The following RAP1GDS1 variants were observed in gnomAD, a reference collection of about 807,000 sequenced individuals.
The protein encoded by RAP1GDS1 is Rap1 GTPase-GDP dissociation stimulator 1, also known as RAP1, GTP-GDP dissociation stimulator 1.
In RAP1GDS1, 35 loss-of-function variants were observed where a neutral mutation model predicts 71.1. That is an observed-to-expected ratio of 0.49 (90% CI 0.38 to 0.65). RAP1GDS1 has a LOEUF of 0.65. RAP1GDS1 is among the 30% of genes least tolerant of loss of function. The pLI is 0.00. For missense variants in RAP1GDS1, 663 were observed against 706.1 expected (o/e 0.94, Z 0.69); for synonymous variants, 229 against 243.1 (o/e 0.94, Z 0.54).
At chr4:98,370,131 A>T (rs1740144154) in intron 4 of RAP1GDS1, among the ~76,000 whole-genome samples, 1 of 152,180 alleles carries the variant, frequency 6.6e-6, no homozygotes, top group Non-Finnish European at 1.5e-5. Context: ...ACTGTGAATT[A>T]TCTGTCTTTG....
rs988166010 is a variant in RAP1GDS1, at chr4:98,418,930, T to G, written c.1174+139T>G. 2.8e-5 allele frequency: 25 copies of G among 900,724 alleles called. No homozygotes were observed. The African/African-American group carries it at 4.3e-4, about 16-fold the overall frequency. 55.8% of individuals were successfully genotyped at this position (900,724 alleles called of 1,614,324 possible). A position where few individuals can be genotyped will look rare whatever the true frequency, so the allele number is the denominator to read the frequency against. ...ATAGTCTTCACATTGTTCACATTTT[T>G]TCATGCTAATAAATGGAGATCATAT... is the stretch of plus-strand genomic sequence containing the variant. On this transcript the variant is annotated intron_variant, in intron 10 of 14. Coordinates refer to ENST00000408927, the MANE Select transcript of RAP1GDS1 (RefSeq NM_001100427.2).
At chr4:98,379,310 C>T (rs1741644667) in intron 5 of RAP1GDS1, 147 bp downstream of exon 5, 1 of 872,004 alleles carries the variant, frequency 1.1e-6, no homozygotes, top group African/African-American at 1.8e-5. Context: ...CATTAAATTT[C>T]AATGTTTCAA....
intron 4 of RAP1GDS1, 65 bp from the exon 5 acceptor site, chr4:98,378,952 G>A: frequency 7.3e-7 from 1 of 1,366,858 alleles, no homozygotes; most frequent in East Asian, 2.7e-5. Context: ...GTTATGTTTT[G>A]TATTTGAAAT....
Position 98,312,724 on chromosome 4 carries a change from T to C in RAP1GDS1, c.112+19209T>C, listed in dbSNP as rs75086777. 4.9e-3 allele frequency among the ~76,000 whole-genome samples: 748 copies of C among 151,900 alleles called. 7 individuals are homozygous for C. Among genetic ancestry groups the C allele is most frequent in the South Asian group, 0.018 (85 of 4,798 alleles). Reference sequence around the variant, plus strand: ...GTATGTTTGTGTAGCTATACATAGATGTATAGATATATATATATAGAGAGA... The same window carrying C: ...GTATGTTTGTGTAGCTATACATAGACGTATAGATATATATATATAGAGAGA... On this transcript the variant is annotated intron_variant, in intron 2 of 14. Transcript: ENST00000408927.
Position 98,400,539 on chromosome 4 carries a change from A to AAAAC in RAP1GDS1, c.638-3935_638-3934insCAAA, listed in dbSNP as rs532055682. 9.1e-3 allele frequency among the ~76,000 whole-genome samples: 1,379 copies of AAAAC among 151,288 alleles called. 30 individuals carry two copies. Among genetic ancestry groups the AAAAC allele is most frequent in the African/African-American group, 0.031 (1,267 of 40,958 alleles). ...TGATTTTATAGAAGTAAAAAAAAAAAAAAAAAAACGGATACTAGAGGTTGG... is the reference window on the plus strand; with the variant it reads ...TGATTTTATAGAAGTAAAAAAAAAAAAAACAAAAAAAACGGATACTAGAGGTTGG... On this transcript the variant is annotated intron_variant, in intron 6 of 14. Transcript: ENST00000408927.
chr4:98,305,344 C>T (rs1454781568), intron 2 of RAP1GDS1, among the ~76,000 whole-genome samples: 1 of 151,990 alleles, frequency 6.6e-6, no homozygotes, highest in Non-Finnish European at 1.5e-5. Flanking sequence ...TCTCTGATTT[C>T]CTTGAGCAGT....
intron 4 of RAP1GDS1, among the ~76,000 whole-genome samples, chr4:98,360,575 T>A (rs1000111180): frequency 6.6e-6 from 1 of 152,198 alleles, no homozygotes; most frequent in South Asian, 2.1e-4. Flanking sequence ...AGATTTCCAG[T>A]CTGCTTATTG....
chr4:98,311,162 C>G (rs1280705766), intron 2 of RAP1GDS1, among the ~76,000 whole-genome samples: 3 of 152,162 alleles, frequency 2.0e-5, no homozygotes, highest in Non-Finnish European at 4.4e-5. Flanking sequence ...AGTATCTTTT[C>G]AGTGGGTTGA....
chr4:98,316,716 C>CT (rs1195585875), intron 2 of RAP1GDS1, among the ~76,000 whole-genome samples: 1 of 152,112 alleles, frequency 6.6e-6, no homozygotes, highest in Non-Finnish European at 1.5e-5. Context: ...GAAAATACAA[C>CT]TTTAGCTCCA....
rs938667830 is a variant in RAP1GDS1 at position 98,421,499 on chromosome 4, T to G, written c.1440+105T>G. On this transcript the variant is annotated intron_variant, in intron 12 of 14. Coordinates refer to ENST00000408927, the MANE Select transcript of RAP1GDS1 (RefSeq NM_001100427.2). ...TGGGATAATATTTACCTGAAAGTAT[T>G]GTGAAGATTCAGTGAGATCATGTAT... is the stretch of plus-strand genomic sequence containing the variant. 3.3e-6 allele frequency: 4 copies of G among 1,216,230 alleles called. No homozygotes were observed. The South Asian group carries it at 6.7e-5, about 21-fold the overall frequency. 75.3% of individuals were successfully genotyped at this position (1,216,230 alleles called of 1,614,324 possible).
At chr4:98,285,805 T>A (rs1209774472) in intron 1 of RAP1GDS1, among the ~76,000 whole-genome samples, 1 of 146,964 alleles carries the variant, frequency 6.8e-6, no homozygotes, top group East Asian at 1.9e-4. Flanking sequence ...TTTATTAATA[T>A]ATTAATATTT....
intron 1 of RAP1GDS1, among the ~76,000 whole-genome samples, chr4:98,286,338 A>G (rs1726009958): frequency 1.3e-5 from 2 of 152,134 alleles, no homozygotes; most frequent in South Asian, 2.1e-4. Flanking sequence ...TCCAGACACA[A>G]TGTATGTGAT....
chr4:98,328,643 T>C (rs1052467153), intron 2 of RAP1GDS1, among the ~76,000 whole-genome samples: 2 of 152,210 alleles, frequency 1.3e-5, no homozygotes, highest in African/African-American at 4.8e-5. Flanking sequence ...TTTATAGTTT[T>C]TTTTAATAAA....
chr4:98,391,643 A>T (rs1049304024), intron 5 of RAP1GDS1, among the ~76,000 whole-genome samples: 2 of 152,074 alleles, frequency 1.3e-5, no homozygotes, highest in Non-Finnish European at 2.9e-5. Flanking sequence ...ATGTTTGTTT[A>T]TACTTATTAA....
intron 2 of RAP1GDS1, among the ~76,000 whole-genome samples, chr4:98,313,453 C>T (rs1730546415): frequency 6.6e-6 from 1 of 152,184 alleles, no homozygotes; most frequent in Non-Finnish European, 1.5e-5. Context: ...GTGGAATATA[C>T]ATTTCTAGGT....
rs1169116800 is a variant in RAP1GDS1 at position 98,404,697 on chromosome 4, C to G, written c.763+95C>G. The G allele has an allele frequency of 3.6e-6, 5 of 1,399,176 alleles. No homozygotes were observed. The East Asian group carries it at 1.2e-4, about 34-fold the overall frequency. The allele number at this position is 1,399,176 out of a possible 1,614,324, so 86.7% of individuals were successfully genotyped here. ...AATTGCCAGCCATTTGACTCAAAAC[C>G]ATTCTTTATTAGTGATATGTTTTAT... On this transcript the variant is annotated intron_variant, in intron 7 of 14. Transcript: ENST00000408927.
chr4:98,299,312 G>A (rs2110292701), intron 2 of RAP1GDS1, among the ~76,000 whole-genome samples: 1 of 152,270 alleles, frequency 6.6e-6, no homozygotes, highest in Non-Finnish European at 1.5e-5. Flanking sequence ...TATCATTGAT[G>A]GACATTCAGA....
In RAP1GDS1 at chr4:98,361,181, A is replaced by G. The variant is rs114024938; in HGVS notation, c.361+8580A>G. Among the ~76,000 whole-genome samples, 900 of 152,052 alleles carry G rather than the reference A, an allele frequency of 5.9e-3. 8 individuals are homozygous for G. The highest frequency in any genetic ancestry group is 0.021 in the African/African-American group (875 of 41,456). On this transcript the variant is annotated intron_variant, in intron 4 of 14. Coordinates refer to ENST00000408927, the MANE Select transcript of RAP1GDS1 (RefSeq NM_001100427.2). ...GTCATCAGTTCAGATTAAATTCTAA[A>G]TAACTATATATGCATTTGCTCTCAC...
At chr4:98,427,868 A>G (rs905725766) in intron 12 of RAP1GDS1, among the ~76,000 whole-genome samples, 3 of 152,174 alleles carry the variant, frequency 2.0e-5, no homozygotes, top group Admixed American at 2.0e-4. Flanking sequence ...CAATTCTAAA[A>G]TTCATATGGA....
Sources: allele counts gnomAD v4.1 joint callset (sites outside exome capture counted in the v4.1 genomes callset), GRCh38; gene constraint gnomAD v4.1.1; transcripts MANE v1.5; gene names NCBI Gene and HGNC (gene_info 2026-07-23, HGNC 2026-07-21).